Variants in TUBD1 observed in about 807,000 individuals in gnomAD.
TUBD1 encodes the protein tubulin delta chain.
TUBD1 carries 38 observed loss-of-function variants against 51.2 expected under a neutral mutation model. That is an observed-to-expected ratio of 0.74 (90% CI 0.57 to 0.97). TUBD1 has a LOEUF of 0.97. Ranked by LOEUF, TUBD1 falls within the 50% of genes least tolerant of loss-of-function variation. TUBD1 has a pLI of 0.00. For synonymous variants in TUBD1, 169 were observed against 178.2 expected (o/e 0.95, Z 0.41); for missense variants, 489 against 538.4 (o/e 0.91, Z 0.91).
chr17:59,878,343 G>A lies in TUBD1; in HGVS notation c.538-9C>T, dbSNP rs1438919830. On this transcript the variant is annotated splice_polypyrimidine_tract_variant and intron_variant, in intron 4 of 8. Coordinates refer to ENST00000325752, the MANE Select transcript of TUBD1 (RefSeq NM_016261.4). ...TAGTTTTGAACAATAACCTGGAGAG[G>A]AAAAGGTCAGAAAAAAGAAAGGTAG... The A allele has an allele frequency of 2.5e-6, 4 of 1,582,458 alleles. No homozygotes were observed. Among genetic ancestry groups the A allele is most frequent in the South Asian group, 1.1e-5 (1 of 90,322 alleles).
intron 2 of TUBD1, chr17:59,886,685 G>A (rs978900643): frequency 1.3e-5 from 2 of 151,704 alleles, no homozygotes; most frequent in African/African-American, 5.0e-5. Flanking sequence ...ACAAACATAT[G>A]CTGAATGCTT....
chr17:59,875,094 T>TTG (rs2040165961), intron 5 of TUBD1, among the ~76,000 whole-genome samples: 2 of 115,544 alleles, frequency 1.7e-5, no homozygotes, highest in Non-Finnish European at 3.9e-5. Context: ...TTTTTTTTTT[T>TTG]GGGATGGAGT....
chr17:59,875,810 G>A (rs967900110), intron 5 of TUBD1, among the ~76,000 whole-genome samples: 1 of 151,792 alleles, frequency 6.6e-6, no homozygotes, highest in Admixed American at 6.6e-5. Context: ...TATTCCTTAA[G>A]ATAGGAATGT....
chr17:59,870,836 T>C (rs1471417123), intron 6 of TUBD1, among the ~76,000 whole-genome samples: 1 of 152,212 alleles, frequency 6.6e-6, no homozygotes, highest in Non-Finnish European at 1.5e-5. Context: ...TAAGGGTCCA[T>C]TCAGTGCCCG....
rs542076075 is a variant in TUBD1 at position 59,871,952 on chromosome 17, T to G, written c.934+2587A>C. On this transcript the variant is annotated intron_variant, in intron 6 of 8. Coordinates refer to ENST00000325752, the MANE Select transcript of TUBD1 (RefSeq NM_016261.4). ...CTAGGACTACAGGTGCATACCACTA[T>G]GCCCAGCATTTTTTTTTTTGAGACA... Among the ~76,000 whole-genome samples, 70 of 146,210 alleles carry G rather than the reference T, an allele frequency of 4.8e-4. No individual in the cohort carries two copies. In the East Asian group the frequency reaches 4.9e-3, roughly 10 times the overall value.
At chr17:59,883,033 C>T (rs1258870297) in intron 3 of TUBD1, among the ~76,000 whole-genome samples, 1 of 151,898 alleles carries the variant, frequency 6.6e-6, no homozygotes, top group Non-Finnish European at 1.5e-5. Flanking sequence ...AATCCGCCCT[C>T]CTTGGCCTCC....
chr17:59,866,288 G>T (rs1371695134), intron 7 of TUBD1, among the ~76,000 whole-genome samples: 1 of 150,800 alleles, frequency 6.6e-6, no homozygotes, highest in African/African-American at 2.4e-5. Flanking sequence ...AGGCTGGAGG[G>T]CAGTGCCATA....
At chr17:59,889,199 A>G (rs1408358352) in intron 2 of TUBD1, among the ~76,000 whole-genome samples, 1 of 149,192 alleles carries the variant, frequency 6.7e-6, no homozygotes, top group Non-Finnish European at 1.5e-5. Flanking sequence ...TTTTTAGTCG[A>G]GACGGGGTTT....
chr17:59,873,791 G>T (rs560830737), intron 6 of TUBD1, among the ~76,000 whole-genome samples: 3 of 152,180 alleles, frequency 2.0e-5, no homozygotes, highest in Non-Finnish European at 4.4e-5. Flanking sequence ...CTTGAATCCG[G>T]GAGGCAGAGG....
intron 1 of TUBD1, among the ~76,000 whole-genome samples, chr17:59,891,442 T>G (rs764599582): frequency 1.1e-4 from 16 of 152,080 alleles, no homozygotes; most frequent in Non-Finnish European, 2.1e-4. Context: ...GCCCAAAAAG[T>G]CATTTTAAAA....
At chr17:59,875,073 C>CTTTTTTTTT (rs10679203) in intron 5 of TUBD1, among the ~76,000 whole-genome samples, 1 of 87,270 alleles carries the variant, frequency 1.1e-5, no homozygotes, top group African/African-American at 4.4e-5. Flanking sequence ...TTGTTATATT[C>CTTTTTTTTT]TTTTTTTTTT....
rs1407332222 is a variant in TUBD1 at position 59,866,692 on chromosome 17, G to C, written c.992C>G (p.Ser331Cys). The C allele has an allele frequency of 2.5e-6, 4 of 1,614,010 alleles. No individual in the cohort carries two copies. The highest frequency in any genetic ancestry group is 2.7e-5 in the African/African-American group (2 of 74,996). Residue 331 changes from serine (S) to cysteine (C), a missense_variant, in exon 7 of 9, where the codon TCT becomes TGT. Transcript: ENST00000325752. ...LSGLPPLSKM[S>C]LNKDLHFNTS... is the part of the protein sequence containing the mutation. ...GTTAAAATGCAGGTCCTTGTTGAGAGACATTTTACTAAGAGGAGGAAGTCC... is the reference window on the plus strand; with the variant it reads ...GTTAAAATGCAGGTCCTTGTTGAGACACATTTTACTAAGAGGAGGAAGTCC...
rs530315478 is a variant in TUBD1, at chr17:59,870,372, C to CAAAA, written c.935-3627_935-3624dup. ...GGCGACAGAGTGTGACTCCATCTCACAAAAAAAAAAAAAAAAAAAAAAAAA... is the reference window on the plus strand; with the variant it reads ...GGCGACAGAGTGTGACTCCATCTCACAAAAAAAAAAAAAAAAAAAAAAAAAAAAA... On this transcript the variant is annotated intron_variant, in intron 6 of 8. Transcript: ENST00000325752. 1.8e-3 allele frequency among the ~76,000 whole-genome samples: 137 copies of CAAAA among 77,920 alleles called. 3 individuals are homozygous for CAAAA. Among genetic ancestry groups the CAAAA allele is most frequent in the Admixed American group, 5.2e-3 (34 of 6,496 alleles). 51.1% of individuals were successfully genotyped at this position (77,920 alleles called of 152,430 possible).
chr17:59,868,169 A>G (rs1171745148), intron 6 of TUBD1, among the ~76,000 whole-genome samples: 2 of 147,634 alleles, frequency 1.4e-5, no homozygotes, highest in Non-Finnish European at 3.0e-5. Context: ...CTATAATCTC[A>G]GCTACTTGGG....
intron 2 of TUBD1, 115 bp from the exon 3 acceptor site, chr17:59,886,345 G>C: frequency 1.9e-6 from 2 of 1,060,036 alleles, no homozygotes; most frequent in Admixed American, 2.9e-5. Context: ...AAAATTCCAG[G>C]GGTTGTGGTT....
rs138492491 is a variant in TUBD1, at chr17:59,882,314, C to T, written c.321-1204G>A. On this transcript the variant is annotated intron_variant, in intron 3 of 8. Transcript: ENST00000325752. The stretch of plus-strand genomic sequence containing the variant: ...TTTTGTGTTTTTTGAGGCGGAGTCT[C>T]GCTCTGTCGCCCAGGCTGGGGTGCA... Among the ~76,000 whole-genome samples, 646 of 152,192 alleles carry T rather than the reference C, an allele frequency of 4.2e-3. 6 individuals carry two copies. The highest frequency in any genetic ancestry group is 0.014 in the African/African-American group (590 of 41,536).
chr17:59,863,757 T>C lies in TUBD1; in HGVS notation c.1166A>G (p.Tyr389Cys). 6.2e-7 allele frequency: 1 copy of C among 1,611,486 alleles called. No individual in the cohort carries two copies. The highest frequency in any genetic ancestry group is 8.5e-7 in the Non-Finnish European group (1 of 1,179,204). ...VWKTQRAFSKYEKSAVLVSNS... is the reference protein window; with the variant it reads ...VWKTQRAFSKCEKSAVLVSNS... ...GCTGACCAACACTGCAGACTTCTCA[T>C]ATTTGCTAAAGGCCCGCTGGGTTTT... The change falls in exon 8 of 9, where the codon TAT becomes TGT. Residue 389 changes from tyrosine (Y) to cysteine (C), a missense_variant. Physicochemically the swap from Tyr to Cys is radical, Grantham distance 194 (BLOSUM62 -2). Transcript: ENST00000325752.
At chr17:59,878,049 G>A in intron 5 of TUBD1, 54 bp downstream of exon 5, 1 of 1,421,048 alleles carries the variant, frequency 7.0e-7, no homozygotes, top group Non-Finnish European at 9.8e-7. Context: ...AATAAACTTT[G>A]AAGCTTTCAG....
chr17:59,868,401 A>G (rs1187606579), intron 6 of TUBD1, among the ~76,000 whole-genome samples: 1 of 151,304 alleles, frequency 6.6e-6, no homozygotes, highest in Non-Finnish European at 1.5e-5. Flanking sequence ...AATAGGGTAA[A>G]TCTTTACGTA....
Sources: gnomAD v4.1 joint callset for allele counts (sites outside exome capture counted in the v4.1 genomes callset) on GRCh38, gnomAD v4.1.1 for gene constraint, MANE v1.5 for transcripts, NCBI Gene and HGNC (gene_info 2026-07-23, HGNC 2026-07-21) for gene names.